Variants in CPA6 observed in about 807,000 individuals in gnomAD.
CPA6 encodes the protein carboxypeptidase B.
In CPA6, 58 loss-of-function variants were observed where a neutral mutation model predicts 63.3. The ratio of observed to expected loss-of-function variants is 0.92; its 90% CI spans 0.74 to 1.14. CPA6 has a LOEUF of 1.14. CPA6 is among the 50% of genes most tolerant of loss of function. The pLI, the probability that CPA6 is intolerant of heterozygous loss-of-function variation, is 0.00. For missense variants in CPA6, 565 were observed against 526.6 expected (o/e 1.07, Z -0.71); for synonymous variants, 185 against 179.0 (o/e 1.03, Z -0.27).
chr8:67,538,509 CCT>C (rs1491337320), intron 2 of CPA6, among the ~76,000 whole-genome samples: 1 of 142,280 alleles, frequency 7.0e-6, no homozygotes, highest in Non-Finnish European at 1.5e-5. Flanking sequence ...GATTGCAACC[CCT>C]GTTTTTTTTT....
At chr8:67,721,089 G>A (rs564219530) in intron 1 of CPA6, among the ~76,000 whole-genome samples, 29 of 152,168 alleles carry the variant, frequency 1.9e-4, no homozygotes. Flanking sequence ...ATCAAAGCAG[G>A]CTGGCAAAAA....
chr8:67,743,099 C>T (rs1238025993), intron 1 of CPA6, among the ~76,000 whole-genome samples: 3 of 152,032 alleles, frequency 2.0e-5, no homozygotes, highest in African/African-American at 7.3e-5. Context: ...ATTTATTGAT[C>T]CCTGAAATGT....
intron 8 of CPA6, among the ~76,000 whole-genome samples, chr8:67,482,204 G>T (rs541452880): frequency 6.6e-6 from 1 of 152,206 alleles, no homozygotes; most frequent in East Asian, 1.9e-4. Flanking sequence ...GCTGGCTGCT[G>T]CTAGAGTTAC....
At chr8:67,476,615 T>C (rs1392724862) in intron 8 of CPA6, among the ~76,000 whole-genome samples, 1 of 151,838 alleles carries the variant, frequency 6.6e-6, no homozygotes. Flanking sequence ...GTTATTCTGA[T>C]ACCTAAACTG....
intron 1 of CPA6, among the ~76,000 whole-genome samples, chr8:67,739,930 A>G (rs1481315966): frequency 1.3e-5 from 2 of 152,220 alleles, no homozygotes; most frequent in African/African-American, 4.8e-5. Context: ...AAAAAGTCTT[A>G]TATGTGGCTG....
rs146507179 is a variant in CPA6 at position 67,584,898 on chromosome 8, T to C, written c.192+39278A>G. Among the ~76,000 whole-genome samples, 10 of 152,304 alleles carry C rather than the reference T, an allele frequency of 6.6e-5. 1 individual carries two copies. The highest frequency in any genetic ancestry group is 2.2e-4 in the African/African-American group (9 of 41,566). ...CATCTCCGATGTGGTTGTACAGGAC[T>C]GTTTGGAGGGCTGCTGTTTTAGCAT... On this transcript the variant is annotated intron_variant, in intron 2 of 10. Coordinates refer to ENST00000297770, the MANE Select transcript of CPA6 (RefSeq NM_020361.5).
At chr8:67,741,534 T>C (rs779479961) in intron 1 of CPA6, among the ~76,000 whole-genome samples, 2 of 152,198 alleles carry the variant, frequency 1.3e-5, no homozygotes, top group Non-Finnish European at 2.9e-5. Context: ...CAAAGCTTCA[T>C]CTGTATTTGC....
chr8:67,566,021 T>C (rs1182571028), intron 2 of CPA6, among the ~76,000 whole-genome samples: 1 of 152,146 alleles, frequency 6.6e-6, no homozygotes, highest in Non-Finnish European at 1.5e-5. Context: ...ATGATTTTCA[T>C]TTCTTTGCCA....
chr8:67,730,423 A>C (rs150649171), intron 1 of CPA6, among the ~76,000 whole-genome samples: 47 of 151,704 alleles, frequency 3.1e-4, no homozygotes, highest in African/African-American at 1.0e-3. Flanking sequence ...CCATATGTTC[A>C]GCAACCTGGA....
At chr8:67,652,465 GT>G (rs1370821575) in intron 1 of CPA6, among the ~76,000 whole-genome samples, 2 of 151,854 alleles carry the variant, frequency 1.3e-5, no homozygotes, top group African/African-American at 2.4e-5. Context: ...TCTCATTGTG[GT>G]TTTGATTTGC....
intron 2 of CPA6, among the ~76,000 whole-genome samples, chr8:67,572,813 C>T (rs1048887021): frequency 3.3e-5 from 5 of 152,124 alleles, no homozygotes; most frequent in Non-Finnish European, 5.9e-5. Context: ...ACACCAAGGC[C>T]GGACAAAAAT....
At chr8:67,587,137 C>T (rs997612809) in intron 2 of CPA6, among the ~76,000 whole-genome samples, 7 of 152,138 alleles carry the variant, frequency 4.6e-5, no homozygotes, top group Non-Finnish European at 7.4e-5. Flanking sequence ...AATGTGGATC[C>T]GTAGATTCCA....
At chr8:67,462,103 CGTCT>C (rs1483929368) in intron 8 of CPA6, among the ~76,000 whole-genome samples, 2 of 151,760 alleles carry the variant, frequency 1.3e-5, no homozygotes, top group Non-Finnish European at 2.9e-5. Flanking sequence ...CTTTCTCCTT[CGTCT>C]GTCTAGCCAT....
At chr8:67,444,974 C>A (rs1244366531) in intron 8 of CPA6, among the ~76,000 whole-genome samples, 4 of 152,048 alleles carry the variant, frequency 2.6e-5, no homozygotes, top group African/African-American at 9.7e-5. Context: ...TGTGGTTAGC[C>A]TGTAAAATGC....
chr8:67,469,970 G>C (rs1811020263), intron 8 of CPA6, among the ~76,000 whole-genome samples: 1 of 151,990 alleles, frequency 6.6e-6, no homozygotes, highest in African/African-American at 2.4e-5. Context: ...TCACAATGTG[G>C]CAGATAGAAG....
chr8:67,689,266 T>G (rs13259839), intron 1 of CPA6, among the ~76,000 whole-genome samples: 63 of 49,532 alleles, frequency 1.3e-3, no homozygotes, highest in Middle Eastern at 0.01. Flanking sequence ...AGATATAAAC[T>G]TCTTCTTCAA....
intron 8 of CPA6, among the ~76,000 whole-genome samples, chr8:67,463,465 AATAAATAAATAG>A (rs1289398593): frequency 2.3e-4 from 32 of 137,546 alleles, no homozygotes; most frequent in African/African-American, 1.0e-3. Context: ...TAAATAAATA[AATAAATAAATAG>A]ATAAATAAAA....
chr8:67,528,427 C>A (rs1184167907), intron 2 of CPA6, among the ~76,000 whole-genome samples: 2 of 152,074 alleles, frequency 1.3e-5, no homozygotes, highest in African/African-American at 4.8e-5. Flanking sequence ...TCCTAAAAGA[C>A]AAAGGCAGTT....
intron 2 of CPA6, among the ~76,000 whole-genome samples, chr8:67,594,589 T>C (rs534231700): frequency 8.2e-4 from 125 of 152,302 alleles, no homozygotes; most frequent in African/African-American, 2.7e-3. Context: ...TGTTTCTTTT[T>C]ATTCTTTTTT....
Sources: allele counts gnomAD v4.1 joint callset (sites outside exome capture counted in the v4.1 genomes callset), GRCh38; gene constraint gnomAD v4.1.1; transcripts MANE v1.5; gene names NCBI Gene and HGNC (gene_info 2026-07-23, HGNC 2026-07-21).